THADA: variants seen among roughly 807,000 people sequenced by gnomAD.
The protein encoded by THADA is THADA armadillo repeat containing.
THADA carries 213 observed loss-of-function variants against 219.8 expected under a neutral mutation model. The ratio of observed to expected loss-of-function variants is 0.97; its 90% CI spans 0.87 to 1.09. The LOEUF is 1.09. Among genes scored for constraint, THADA ranks in the 50% least tolerant of loss-of-function variants. The probability of loss-of-function intolerance (pLI) is 0.00; values close to 1 mark genes in which losing one functional copy is unlikely to be tolerated. For synonymous variants in THADA, 1,018 were observed against 828.9 expected (o/e 1.23, Z -3.92); for missense variants, 2,956 against 2,311.3 (o/e 1.28, Z -5.72).
chr2:43,545,307 T>C lies in THADA; in HGVS notation c.3106+3903A>G, dbSNP rs543289955. Among the ~76,000 whole-genome samples the C allele has an allele frequency of 8.9e-4, 135 of 151,932 alleles. 1 individual carries two copies. The highest frequency in any genetic ancestry group is 3.2e-3 in the African/African-American group (131 of 41,248). On this transcript the variant is annotated intron_variant, in intron 20 of 37. Transcript: ENST00000405975. Reference sequence around the variant, plus strand: ...TTTATTGAGGATTTTTGCATCAATGTTCATCAAGGATATTGGTCTATAATT... The same window carrying C: ...TTTATTGAGGATTTTTGCATCAATGCTCATCAAGGATATTGGTCTATAATT...
At chr2:43,519,806 A>G (rs1470758136) in intron 22 of THADA, among the ~76,000 whole-genome samples, 2 of 152,230 alleles carry the variant, frequency 1.3e-5, no homozygotes, top group Non-Finnish European at 2.9e-5. Context: ...AAATTGACAA[A>G]CCAGGTATAA....
chr2:43,548,688 TCTC>T (rs1220207704), intron 20 of THADA, among the ~76,000 whole-genome samples: 1 of 151,950 alleles, frequency 6.6e-6, no homozygotes, highest in Non-Finnish European at 1.5e-5. Flanking sequence ...CGGGATATAA[TCTC>T]CTGGTGCGCT....
chr2:43,235,040 C>T (rs535968080), intron 36 of THADA, among the ~76,000 whole-genome samples: 2 of 151,416 alleles, frequency 1.3e-5, no homozygotes, highest in African/African-American at 4.9e-5. Flanking sequence ...TGTGCAGTGG[C>T]GTGATCTCAG....
chr2:43,504,302 A>T (rs1182343366), intron 24 of THADA, among the ~76,000 whole-genome samples: 1 of 152,210 alleles, frequency 6.6e-6, no homozygotes, highest in East Asian at 1.9e-4. Context: ...ACTGGCCACT[A>T]TGTGCCATAT....
intron 31 of THADA, 33 bp from the exon 32 acceptor site, chr2:43,293,246 T>A: frequency 7.0e-6 from 11 of 1,568,520 alleles, no homozygotes; most frequent in Non-Finnish European, 8.6e-6. Flanking sequence ...GGGAAAGAGA[T>A]AATCACTTTA....
Position 43,498,045 on chromosome 2 carries a change from A to G in THADA, c.3744+788T>C, listed in dbSNP as rs551614333. ...AAAAGAAAATGTGGGATGTGTGTAT[A>G]CTGATAAACCAATATACACACACAG... is the stretch of plus-strand genomic sequence containing the variant. On this transcript the variant is annotated intron_variant, in intron 25 of 37. Transcript: ENST00000405975. 1.0e-3 allele frequency among the ~76,000 whole-genome samples: 153 copies of G among 152,316 alleles called. 1 individual carries two copies. Among genetic ancestry groups the G allele is most frequent in the African/African-American group, 3.6e-3 (150 of 41,568 alleles).
intron 34 of THADA, among the ~76,000 whole-genome samples, chr2:43,289,245 T>C (rs903671359): frequency 2.0e-5 from 3 of 152,246 alleles, no homozygotes; most frequent in African/African-American, 7.2e-5. Flanking sequence ...GTTTTCATCA[T>C]TTAAACTCCG....
rs1379426338 is a variant in THADA at position 43,292,869 on chromosome 2, C to T, written c.4783G>A (p.Ala1595Thr). Reference protein sequence around the residue: ...CNMGEKFLLLAMKENHPECFC... With the variant: ...CNMGEKFLLLTMKENHPECFC... ...CATTCTGGGTGATTTTCCTTCATGG[C>T]CAACAATAAGAACTTCTCTCCCATG... The change falls in exon 32 of 38, where the codon GCC becomes ACC. Residue 1595 changes from alanine (A) to threonine (T), a missense_variant. Transcript: ENST00000405975. 6.2e-7 allele frequency: 1 copy of T among 1,613,662 alleles called. No homozygotes were observed. Among genetic ancestry groups the T allele is most frequent in the Admixed American group, 1.7e-5 (1 of 60,006 alleles).
chr2:43,480,288 C>T (rs913410185), intron 26 of THADA, among the ~76,000 whole-genome samples: 9 of 152,302 alleles, frequency 5.9e-5, no homozygotes, highest in East Asian at 3.9e-4. Context: ...GCATGGCCCA[C>T]GCACTAAAGA....
chr2:43,484,750 C>A (rs956400484), intron 26 of THADA, among the ~76,000 whole-genome samples: 2 of 151,970 alleles, frequency 1.3e-5, no homozygotes, highest in African/African-American at 2.4e-5. Context: ...CTGTTTATTT[C>A]TTGTGGTTAA....
In THADA at chr2:43,267,119, A is replaced by G. The variant is rs375385896; in HGVS notation, c.5296+12646T>C. ...TGGGTGATGTGTGTGGTCCTAAGAG[A>G]TGATACAGGGATCAGCAAACAAACT... On this transcript the variant is annotated intron_variant, in intron 36 of 37. Coordinates refer to ENST00000405975, the MANE Select transcript of THADA (RefSeq NM_022065.5). Among the ~76,000 whole-genome samples the G allele has an allele frequency of 2.6e-5, 4 of 152,316 alleles. 1 individual carries two copies. The highest frequency in any genetic ancestry group is 9.6e-5 in the African/African-American group (4 of 41,564).
At chr2:43,423,730 G>C (rs1678042122) in intron 28 of THADA, among the ~76,000 whole-genome samples, 1 of 152,046 alleles carries the variant, frequency 6.6e-6, no homozygotes, top group Non-Finnish European at 1.5e-5. Flanking sequence ...CCTTTGTTCA[G>C]GATTCTATGG....
At chr2:43,448,262 T>C (rs1220035443) in intron 26 of THADA, among the ~76,000 whole-genome samples, 1 of 152,182 alleles carries the variant, frequency 6.6e-6, no homozygotes, top group Non-Finnish European at 1.5e-5. Context: ...TAAATTGCAG[T>C]CAATTTTGGT....
In THADA at chr2:43,287,201, T is replaced by C. The variant is rs144191550; in HGVS notation, c.5011-140A>G. On this transcript the variant is annotated intron_variant, in intron 34 of 37. Coordinates refer to ENST00000405975, the MANE Select transcript of THADA (RefSeq NM_022065.5). The stretch of plus-strand genomic sequence containing the variant: ...AAGAAAGTTGTTTTTTAGTTGCTTT[T>C]CGATTCCAACTAGAGAGAAATATGC... The C allele has an allele frequency of 4.1e-4, 284 of 698,686 alleles. 1 individual carries two copies. The African/African-American group carries it at 4.7e-3, about 12-fold the overall frequency. 43.3% of individuals were successfully genotyped at this position (698,686 alleles called of 1,614,324 possible). A position where few individuals can be genotyped will look rare whatever the true frequency, so the allele number is the denominator to read the frequency against.
At chr2:43,330,750 T>A (rs1416455474) in intron 30 of THADA, among the ~76,000 whole-genome samples, 1 of 152,148 alleles carries the variant, frequency 6.6e-6, no homozygotes, top group Non-Finnish European at 1.5e-5. Context: ...TGAAGCCCTA[T>A]CCATGGAAGG....
intron 28 of THADA, among the ~76,000 whole-genome samples, chr2:43,402,867 C>T (rs750065357): frequency 9.9e-5 from 15 of 152,112 alleles, no homozygotes; most frequent in African/African-American, 1.7e-4. Flanking sequence ...GGAGAGGCGG[C>T]GGAGAGGCAG....
At chr2:43,312,610 T>A (rs550614851) in intron 31 of THADA, among the ~76,000 whole-genome samples, 6 of 152,268 alleles carry the variant, frequency 3.9e-5, no homozygotes, top group African/African-American at 1.4e-4. Context: ...TCTGTTATTT[T>A]AGAAGCTCAC....
chr2:43,515,083 TAAA>T (rs1411176941), intron 22 of THADA, among the ~76,000 whole-genome samples: 1 of 13,644 alleles, frequency 7.3e-5, no homozygotes, highest in Non-Finnish European at 1.2e-4. Flanking sequence ...ATAATATATA[TAAA>T]TATATATATT....
intron 36 of THADA, among the ~76,000 whole-genome samples, chr2:43,272,534 CATACTT>C (rs2104275448): frequency 6.6e-6 from 1 of 151,484 alleles, no homozygotes; most frequent in Non-Finnish European, 1.5e-5. Context: ...CTTCTCATCT[CATACTT>C]AAATAGTAAG....
Sources: allele counts gnomAD v4.1 joint callset (sites outside exome capture counted in the v4.1 genomes callset), GRCh38; gene constraint gnomAD v4.1.1; transcripts MANE v1.5; gene names NCBI Gene and HGNC (gene_info 2026-07-23, HGNC 2026-07-21).